The following MRNIP variants were observed in gnomAD, a reference collection of about 807,000 sequenced individuals.
The protein encoded by MRNIP is MRN complex interacting protein, also known as MRN complex-interacting protein.
In MRNIP, 30 loss-of-function variants were observed where a neutral mutation model predicts 29.8. The observed-to-expected ratio is 1.01, with a 90% confidence interval of 0.75 to 1.36. MRNIP has a LOEUF of 1.36. Ranked by LOEUF, MRNIP falls within the 40% of genes most tolerant of loss-of-function variation. The pLI is 0.00. For missense variants in MRNIP, 459 were observed against 423.5 expected (o/e 1.08, Z -0.74); for synonymous variants, 201 against 164.1 (o/e 1.23, Z -1.72).
In MRNIP at chr5:179,843,059, AAGGG is replaced by A. The variant is rs1191359772; in HGVS notation, c.292-999_292-996del. Among the ~76,000 whole-genome samples the A allele has an allele frequency of 2.1e-3, 253 of 120,004 alleles. 2 individuals are homozygous for A. The highest frequency in any genetic ancestry group is 3.5e-3 in the Admixed American group (41 of 11,834). 78.7% of individuals were successfully genotyped at this position (120,004 alleles called of 152,430 possible). ...GGAGGAAAGAAGGAAGGAAGGAAGG[AAGGG>A]AGGGAGGGAGGGAGGGAGGCAGGCA... On this transcript the variant is annotated intron_variant, in intron 4 of 6. Coordinates refer to ENST00000292586, the MANE Select transcript of MRNIP (RefSeq NM_016175.4).
chr5:179,844,851 G>A (rs1346434191), intron 3 of MRNIP, among the ~76,000 whole-genome samples: 1 of 152,060 alleles, frequency 6.6e-6, no homozygotes, highest in South Asian at 2.1e-4. Flanking sequence ...TAGCTTTTTT[G>A]TAGATTCATT....
Position 179,844,155 on chromosome 5 carries a change from C to G in MRNIP, c.288G>C (p.Gln96His), listed in dbSNP as rs764218135. The G allele has an allele frequency of 1.2e-5, 19 of 1,613,980 alleles. No individual in the cohort carries two copies. The African/African-American group carries it at 2.1e-4, about 18-fold the overall frequency. ...VGHQQAGNVKQQEKSQPSESR... is the reference protein window; with the variant it reads ...VGHQQAGNVKHQEKSQPSESR... ...GGCAGGTGGGCCTGAGGCTTACCTGCTGCTTCACATTCCCAGCCTGCTGGT... is the reference window on the plus strand; with the variant it reads ...GGCAGGTGGGCCTGAGGCTTACCTGGTGCTTCACATTCCCAGCCTGCTGGT... The change falls in exon 4 of 7, where the codon CAG (glutamine) becomes CAC (histidine). Residue 96 changes from glutamine (Q) to histidine (H), a missense_variant. Gln to His is a conservative substitution (Grantham distance 24). Coordinates refer to ENST00000292586, the MANE Select transcript of MRNIP (RefSeq NM_016175.4).
chr5:179,837,373 T>C lies in MRNIP; in HGVS notation c.*18A>G. On this transcript the variant is annotated 3_prime_UTR_variant, in exon 7 of 7. Coordinates refer to ENST00000292586, the MANE Select transcript of MRNIP (RefSeq NM_016175.4). ...CTCCTAACAAGTGTATCTCGATTAA[T>C]AACCTGCCAGTCCCAGATCACACAT... The C allele has an allele frequency of 6.3e-7, 1 of 1,582,456 alleles. No homozygotes were observed.
At chr5:179,851,216 T>C (rs529344175) in intron 2 of MRNIP, 2 of 455,368 alleles carry the variant, frequency 4.4e-6, no homozygotes, top group Admixed American at 2.3e-5. Context: ...AAACAAGCCA[T>C]GCTCACCATG....
At chr5:179,858,405 C>A (rs1452715685) in intron 1 of MRNIP, among the ~76,000 whole-genome samples, 1 of 151,722 alleles carries the variant, frequency 6.6e-6, no homozygotes, top group Non-Finnish European at 1.5e-5. Flanking sequence ...ACCGTCCTCC[C>A]CCTCTCACTG....
rs1759201752 is a variant in MRNIP, at chr5:179,847,982, G to GT, written c.210dup (p.Leu71ThrfsTer12). On this transcript the variant is annotated frameshift_variant, in exon 3 of 7. Coordinates refer to ENST00000292586, the MANE Select transcript of MRNIP (RefSeq NM_016175.4). LOFTEE classifies it high-confidence loss of function. ...GCTCTTCTCAAACAACTGTACCTGA[G>GT]TGGCAGCTCTGAAACTTGTCCCTGT... is the stretch of plus-strand genomic sequence containing the variant. The GT allele has an allele frequency of 6.2e-7, 1 of 1,606,836 alleles. No homozygotes were observed. Among genetic ancestry groups the GT allele is most frequent in the African/African-American group, 1.3e-5 (1 of 74,674 alleles).
chr5:179,857,641 T>C (rs1298273068), intron 1 of MRNIP, among the ~76,000 whole-genome samples: 2 of 152,162 alleles, frequency 1.3e-5, no homozygotes, highest in Non-Finnish European at 2.9e-5. Flanking sequence ...AAATGGCCCT[T>C]ACAAACGCTT....
rs533405947 is a variant in MRNIP, at chr5:179,846,792, A to G, written c.215+1186T>C. ...CCCTCTTCAGCCATTGCCAAGGTCA[A>G]TACAGGCAAGCTGCCTGTTGCAGAG... is the stretch of plus-strand genomic sequence containing the variant. On this transcript the variant is annotated intron_variant, in intron 3 of 6. Coordinates refer to ENST00000292586, the MANE Select transcript of MRNIP (RefSeq NM_016175.4). 8.7e-4 allele frequency among the ~76,000 whole-genome samples: 133 copies of G among 152,298 alleles called. 1 individual carries two copies. Among genetic ancestry groups the G allele is most frequent in the African/African-American group, 3.2e-3 (131 of 41,562 alleles).
At chr5:179,849,447 C>T (rs1445083212) in intron 2 of MRNIP, among the ~76,000 whole-genome samples, 7 of 119,966 alleles carry the variant, frequency 5.8e-5, no homozygotes, top group Non-Finnish European at 1.0e-4. Context: ...GCAGATGGTA[C>T]GAGACGGAAT....
chr5:179,845,249 G>A (rs1330632631), intron 3 of MRNIP, among the ~76,000 whole-genome samples: 1 of 151,664 alleles, frequency 6.6e-6, no homozygotes, highest in Non-Finnish European at 1.5e-5. Context: ...ACCCAGGCTG[G>A]TGTGCAGTGG....
intron 2 of MRNIP, chr5:179,851,561 G>A (rs72813740): frequency 0.044 from 18,393 of 416,290 alleles, 744 homozygotes; most frequent in African/African-American, 0.14. Flanking sequence ...TCAAGGGACC[G>A]GGGATGAAGT....
chr5:179,854,957 A>G (rs1427025312), intron 1 of MRNIP, among the ~76,000 whole-genome samples: 6 of 152,146 alleles, frequency 3.9e-5, no homozygotes, highest in African/African-American at 1.4e-4. Flanking sequence ...GCTATTATTT[A>G]CCATTTTTTT....
Position 179,858,772 on chromosome 5 carries a change from C to A in MRNIP, c.25G>T (p.Val9Leu), listed in dbSNP as rs1399180300. The change falls in exon 1 of 7, where the codon GTG becomes TTG. Residue 9 changes from valine to leucine, a missense_variant. Val to Leu is a conservative substitution (Grantham distance 32, BLOSUM62 1). Transcript: ENST00000292586. Reference protein sequence around the residue: MASLQRSRVLRCCSCRLFQ... With the variant: MASLQRSRLLRCCSCRLFQ... The stretch of plus-strand genomic sequence containing the variant: ...AGGCGGCAGCTGCAGCAGCGTAGCA[C>A]CCGAGAACGCTGAAGCGACGCCATC... 6.5e-7 allele frequency: 1 copy of A among 1,540,906 alleles called. No individual in the cohort carries two copies. Among genetic ancestry groups the A allele is most frequent in the East Asian group, 2.5e-5 (1 of 40,426 alleles).
chr5:179,857,598 A>C (rs184745110), intron 1 of MRNIP, among the ~76,000 whole-genome samples: 1 of 152,380 alleles, frequency 6.6e-6, no homozygotes, highest in East Asian at 1.9e-4. Flanking sequence ...CCAGCTCCCG[A>C]AAGAAAATAA....
intron 2 of MRNIP, among the ~76,000 whole-genome samples, chr5:179,850,533 A>T (rs955777405): frequency 6.6e-6 from 1 of 152,210 alleles, no homozygotes; most frequent in African/African-American, 2.4e-5. Flanking sequence ...AAGTCAAGTG[A>T]GAACTGAGAA....
intron 4 of MRNIP, among the ~76,000 whole-genome samples, chr5:179,843,799 G>A (rs1419887069): frequency 6.6e-6 from 1 of 152,098 alleles, no homozygotes. Flanking sequence ...AGGAAAGATG[G>A]AAACCCAGGT....
chr5:179,848,947 C>A (rs547025166), intron 2 of MRNIP, among the ~76,000 whole-genome samples: 3 of 152,180 alleles, frequency 2.0e-5, no homozygotes, highest in Non-Finnish European at 2.9e-5. Flanking sequence ...GAAGACGGTA[C>A]GAGACGGAAT....
At chr5:179,853,644 C>T (rs1162597496) in intron 1 of MRNIP, among the ~76,000 whole-genome samples, 1 of 151,786 alleles carries the variant, frequency 6.6e-6, no homozygotes, top group Non-Finnish European at 1.5e-5. Flanking sequence ...TGGTGGCGGG[C>T]ACCTGTAATC....
At chr5:179,857,353 C>A (rs1001877555) in intron 1 of MRNIP, among the ~76,000 whole-genome samples, 5 of 151,856 alleles carry the variant, frequency 3.3e-5, no homozygotes, top group African/African-American at 9.7e-5. Context: ...CCAAGCTATT[C>A]GGGAGGCTGA....
Sources: gnomAD v4.1 joint callset for allele counts (sites outside exome capture counted in the v4.1 genomes callset) on GRCh38, gnomAD v4.1.1 for gene constraint, MANE v1.5 for transcripts, NCBI Gene and HGNC (gene_info 2026-07-23, HGNC 2026-07-21) for gene names.